IFIH1: variants seen among roughly 807,000 people sequenced by gnomAD.
IFIH1 encodes the protein interferon induced with helicase C domain 1.
A neutral mutation model predicts 107.4 loss-of-function variants in IFIH1; 125 were observed. The ratio of observed to expected loss-of-function variants is 1.16; its 90% CI spans 1.01 to 1.35. IFIH1 has a LOEUF of 1.35. IFIH1 is among the 40% of genes most tolerant of loss of function. The pLI is 0.00. For missense variants in IFIH1, 1,333 were observed against 1,213.7 expected (o/e 1.10, Z -1.46); for synonymous variants, 458 against 413.2 (o/e 1.11, Z -1.31).
intron 6 of IFIH1, among the ~76,000 whole-genome samples, chr2:162,281,775 T>A (rs1682814802): frequency 6.6e-6 from 1 of 152,146 alleles, no homozygotes; most frequent in Admixed American, 6.6e-5. Context: ...CCTTCTTTAA[T>A]AGATAAGATT....
chr2:162,271,700 T>C (rs1335676238), intron 13 of IFIH1, among the ~76,000 whole-genome samples: 1 of 152,224 alleles, frequency 6.6e-6, no homozygotes, highest in Non-Finnish European at 1.5e-5. Context: ...TCTTCACTTA[T>C]CTTGATATAT....
chr2:162,275,586 G>T (rs981294797), intron 11 of IFIH1, among the ~76,000 whole-genome samples: 1 of 152,168 alleles, frequency 6.6e-6, no homozygotes, highest in Admixed American at 6.6e-5. Flanking sequence ...GGTATATAAA[G>T]AGTTATAGTG....
chr2:162,292,597 CT>C (rs1162568838), intron 4 of IFIH1, among the ~76,000 whole-genome samples: 3 of 151,792 alleles, frequency 2.0e-5, no homozygotes, highest in Non-Finnish European at 2.9e-5. Flanking sequence ...TATAATTCTT[CT>C]GACAATGCAG....
intron 5 of IFIH1, among the ~76,000 whole-genome samples, chr2:162,287,522 G>A (rs1682918021): frequency 6.6e-6 from 1 of 151,500 alleles, no homozygotes; most frequent in Non-Finnish European, 1.5e-5. Context: ...AATTATTGAA[G>A]GAAAACTTCA....
At chr2:162,276,471 G>A (rs927490929) in intron 11 of IFIH1, among the ~76,000 whole-genome samples, 1 of 152,044 alleles carries the variant, frequency 6.6e-6, no homozygotes, top group African/African-American at 2.4e-5. Context: ...TGGGTGTGGT[G>A]GTGCACACCT....
intron 13 of IFIH1, 122 bp downstream of exon 13, chr2:162,272,104 A>C: frequency 1.3e-6 from 1 of 771,480 alleles, no homozygotes; most frequent in Non-Finnish European, 2.2e-6. Context: ...AGCACAGTTC[A>C]CTAAACAGAA....
chr2:162,306,754 T>G lies in IFIH1; in HGVS notation c.724A>C (p.Asn242His), dbSNP rs750282329. The change falls in exon 3 of 16, where the codon AAT (asparagine) becomes CAT (histidine). Residue 242 changes from asparagine to histidine, a missense_variant. Asn to His is a moderately conservative substitution (Grantham distance 68). Coordinates refer to ENST00000649979, the MANE Select transcript of IFIH1 (RefSeq NM_022168.4). ...GCAAAAGATGATTCTGATGAGTTAT[T>G]CTCCATGCCCCAGACCTCCTTCTCC... is the stretch of plus-strand genomic sequence containing the variant. The part of the protein sequence containing the change: ...NLEKEVWGME[N>H]NSSESSFADS... 1 of 1,613,836 alleles carries G rather than the reference T, an allele frequency of 6.2e-7. No individual in the cohort carries two copies. Among genetic ancestry groups the G allele is most frequent in the Non-Finnish European group, 8.5e-7 (1 of 1,179,902 alleles).
At chr2:162,301,281 A>G (rs911968215) in intron 3 of IFIH1, among the ~76,000 whole-genome samples, 1 of 152,194 alleles carries the variant, frequency 6.6e-6, no homozygotes, top group African/African-American at 2.4e-5. Context: ...AGTCATGCGC[A>G]CTGTATATTC....
At chr2:162,290,327 CA>C (rs1288597399) in intron 4 of IFIH1, among the ~76,000 whole-genome samples, 1 of 151,696 alleles carries the variant, frequency 6.6e-6, no homozygotes, top group Non-Finnish European at 1.5e-5. Context: ...AGAAATATTA[CA>C]AAGAGAAAGA....
Position 162,293,559 on chromosome 2 carries a change from A to G in IFIH1, c.874+5T>C, listed in dbSNP as rs1683035823. ...TTTAAGGTTTACACAACAGTTAGGC[A>G]GTACCTGAATCACTTCCCATGGTGC... is the stretch of plus-strand genomic sequence containing the variant. On this transcript the variant is annotated splice_donor_5th_base_variant and intron_variant, in intron 4 of 15. Transcript: ENST00000649979. 1.3e-6 allele frequency: 2 copies of G among 1,585,616 alleles called. No individual in the cohort carries two copies. Among genetic ancestry groups the G allele is most frequent in the Non-Finnish European group, 1.7e-6 (2 of 1,155,386 alleles).
At chr2:162,279,874 G>T in intron 8 of IFIH1, 122 bp downstream of exon 8, 1 of 679,884 alleles carries the variant, frequency 1.5e-6, no homozygotes, top group South Asian at 1.7e-5. Context: ...AAAAAAACCT[G>T]AAACTTGTTT....
intron 1 of IFIH1, among the ~76,000 whole-genome samples, chr2:162,314,539 GTGCAGTGGCGCCATCTCAGCTCAC>G (rs552669001): frequency 0.01 from 1,519 of 148,988 alleles, 14 homozygotes; most frequent in Middle Eastern, 0.025. Flanking sequence ...CCAGGGTGGA[GTGCAGTGGCGCCATCTCAGCTCAC>G]TGCAAGCTCC....
intron 5 of IFIH1, among the ~76,000 whole-genome samples, 162 bp downstream of exon 5, chr2:162,287,973 A>T (rs1053041334): frequency 3.4e-4 from 51 of 152,006 alleles, no homozygotes; most frequent in Admixed American, 2.6e-4. Context: ...CTTAGATATT[A>T]CATATACCTA....
Position 162,268,106 on chromosome 2 carries a change from T to G in IFIH1, c.2788A>C (p.Asn930His), listed in dbSNP as rs374202040. The change falls in exon 14 of 16, where the codon AAT (asparagine) becomes CAT (histidine). Residue 930 changes from asparagine to histidine, a missense_variant. By Grantham distance (68) the Asn-to-His change is moderately conservative. Coordinates refer to ENST00000649979, the MANE Select transcript of IFIH1 (RefSeq NM_022168.4). ...ACTCACTTGAATTCTGGGGTCATAT[T>G]GACGTGATGCATTTTCTCAATTACA... The part of the protein sequence containing the change: ...IHVIEKMHHV[N>H]MTPEFKELYI... 94 of 1,605,586 alleles carry G rather than the reference T, an allele frequency of 5.9e-5. No individual in the cohort carries two copies. Among genetic ancestry groups the G allele is most frequent in the Non-Finnish European group, 7.6e-5 (89 of 1,176,932 alleles).
intron 5 of IFIH1, among the ~76,000 whole-genome samples, chr2:162,284,681 T>C (rs1682868721): frequency 6.6e-6 from 1 of 151,986 alleles, no homozygotes; most frequent in African/African-American, 2.4e-5. Context: ...GACTACCTTA[T>C]GGGGTTGCTG....
intron 13 of IFIH1, among the ~76,000 whole-genome samples, chr2:162,269,542 A>G (rs1281932452): frequency 6.6e-6 from 1 of 152,236 alleles, no homozygotes; most frequent in African/African-American, 2.4e-5. Context: ...TATGTAACAT[A>G]TGAAAGTTGA....
chr2:162,299,562 G>T (rs75774528), intron 3 of IFIH1, among the ~76,000 whole-genome samples: 1 of 152,078 alleles, frequency 6.6e-6, no homozygotes, highest in East Asian at 1.9e-4. Flanking sequence ...GCTGGAAAGA[G>T]ATGTGCACAC....
intron 11 of IFIH1, among the ~76,000 whole-genome samples, chr2:162,276,029 T>C (rs1428898293): frequency 6.6e-6 from 1 of 152,228 alleles, no homozygotes; most frequent in Admixed American, 6.5e-5. Flanking sequence ...GTTTGAATTT[T>C]CCACTTGATA....
chr2:162,308,827 A>G (rs1395510162), intron 2 of IFIH1, among the ~76,000 whole-genome samples: 2 of 152,328 alleles, frequency 1.3e-5, no homozygotes, highest in East Asian at 3.9e-4. Context: ...TACATACAAA[A>G]TACATTCATC....
Sources: gnomAD v4.1 joint callset for allele counts (sites outside exome capture counted in the v4.1 genomes callset) on GRCh38, gnomAD v4.1.1 for gene constraint, MANE v1.5 for transcripts, NCBI Gene and HGNC (gene_info 2026-07-23, HGNC 2026-07-21) for gene names.